SLC35F1: variants seen among roughly 807,000 people sequenced by gnomAD.
The protein encoded by SLC35F1 is chromosome 6 open reading frame 169.
SLC35F1 carries 14 observed loss-of-function variants against 48.7 expected under a neutral mutation model. That is an observed-to-expected ratio of 0.29 (90% confidence interval 0.19 to 0.45). SLC35F1 has a LOEUF of 0.45. SLC35F1 is among the 20% of genes least tolerant of loss of function. SLC35F1 has a pLI of 1.00. For missense variants in SLC35F1, 404 were observed against 500.0 expected, an observed-to-expected ratio of 0.81 and a Z score of 1.83; for synonymous variants, 190 against 202.2, an observed-to-expected ratio of 0.94 and a Z score of 0.51.
chr6:118,065,241 A>T (rs1772595932), intron 1 of SLC35F1, among the ~76,000 whole-genome samples: 1 of 152,178 alleles, frequency 6.6e-6, no homozygotes, highest in East Asian at 1.9e-4. Flanking sequence ...ATAATAAGCT[A>T]AAAACATGAA....
chr6:118,231,236 G>A (rs1400939446), intron 2 of SLC35F1, among the ~76,000 whole-genome samples: 1 of 152,026 alleles, frequency 6.6e-6, no homozygotes, highest in Non-Finnish European at 1.5e-5. Context: ...ATAGTAAACA[G>A]AATGCATTTA....
At chr6:118,120,767 G>A (rs142626543) in intron 1 of SLC35F1, among the ~76,000 whole-genome samples, 98 of 152,128 alleles carry the variant, frequency 6.4e-4, no homozygotes, top group African/African-American at 2.1e-3. Flanking sequence ...GAAATATTCC[G>A]CACTGAAACA....
intron 1 of SLC35F1, among the ~76,000 whole-genome samples, chr6:118,070,991 CGT>C (rs375445061): frequency 0.013 from 97 of 7,282 alleles, 3 homozygotes; most frequent in African/African-American, 0.038. Context: ...ATATATTCTA[CGT>C]GTGTGTATAT....
In SLC35F1 at chr6:118,169,149, A is replaced by G. The variant is rs558659289; in HGVS notation, c.349+14529A>G. Among the ~76,000 whole-genome samples the G allele has an allele frequency of 2.6e-5, 4 of 152,346 alleles. No individual in the cohort carries two copies. The South Asian group carries it at 8.3e-4, about 32-fold the overall frequency. On this transcript the variant is annotated intron_variant, in intron 2 of 7. Coordinates refer to ENST00000360388, the MANE Select transcript of SLC35F1 (RefSeq NM_001029858.4). ...TGATAGCAACATTGCAATATGCACA[A>G]TTTCCACTAGTCCTAATGTGTTTTC...
Position 117,929,453 on chromosome 6 carries a change from A to ATGTGTGTGTGTGTG in SLC35F1, c.173+21576_173+21589dup, listed in dbSNP as rs143634465. ...CATTTGTATATATGTGTATGTATTT[A>ATGTGTGTGTGTGTG]TGTGTGTGTGTGTGTGTGTGTGTGT... On this transcript the variant is annotated intron_variant, in intron 1 of 7. Transcript: ENST00000360388. Among the ~76,000 whole-genome samples the ATGTGTGTGTGTGTG allele has an allele frequency of 6.8e-3, 987 of 146,074 alleles. 11 individuals carry two copies. The highest frequency in any genetic ancestry group is 0.024 in the African/African-American group (952 of 39,686).
chr6:118,164,417 A>G (rs1369673101), intron 2 of SLC35F1, among the ~76,000 whole-genome samples: 1 of 152,184 alleles, frequency 6.6e-6, no homozygotes, highest in Non-Finnish European at 1.5e-5. Context: ...AAATTAAAAT[A>G]TTATTTTAAA....
rs188004764 is a variant in SLC35F1, at chr6:118,142,730, G to A, written c.174-11715G>A. On this transcript the variant is annotated intron_variant, in intron 1 of 7. Transcript: ENST00000360388. ...GCCCATGCTGCAAAAATTGGATTTC[G>A]ATGTAATTTTGAGGCATCTTTTAAG... Among the ~76,000 whole-genome samples, 4 of 152,112 alleles carry A rather than the reference G, an allele frequency of 2.6e-5. No homozygotes were observed. In the East Asian group the frequency reaches 7.7e-4, roughly 29 times the overall value.
chr6:118,148,032 T>C (rs781083518), intron 1 of SLC35F1, among the ~76,000 whole-genome samples: 16 of 152,210 alleles, frequency 1.1e-4, no homozygotes, highest in Non-Finnish European at 1.9e-4. Flanking sequence ...GCCTAACTTC[T>C]GCAAACAAGA....
intron 1 of SLC35F1, among the ~76,000 whole-genome samples, chr6:117,923,672 T>TGTAC (rs1209927616): frequency 2.7e-5 from 2 of 74,692 alleles, no homozygotes; most frequent in African/African-American, 5.3e-5. Flanking sequence ...TATATACATA[T>TGTAC]ATGTACATAT....
intron 1 of SLC35F1, among the ~76,000 whole-genome samples, chr6:117,966,432 C>T (rs900555611): frequency 2.0e-5 from 3 of 151,776 alleles, no homozygotes; most frequent in Admixed American, 1.3e-4. Flanking sequence ...CACCAACCCA[C>T]CAGGAGGAGG....
At position 117,907,691 on chromosome 6, in the gene SLC35F1, C is replaced by G; in HGVS notation, c.-36C>G. 7.4e-7 allele frequency: 1 copy of G among 1,345,714 alleles called. No individual in the cohort carries two copies. The highest frequency in any genetic ancestry group is 1.0e-6 in the Non-Finnish European group (1 of 991,138). The allele number at this position is 1,345,714 out of a possible 1,614,324, so 83.4% of individuals were successfully genotyped here. A position where few individuals can be genotyped will look rare whatever the true frequency, so the allele number is the denominator to read the frequency against. On this transcript the variant is annotated 5_prime_UTR_variant, in exon 1 of 8. Transcript: ENST00000360388. ...AACCGGCACACGATGCACCCGGCTG[C>G]GTTCTGATCGCCGCCGCGCCTCAGC...
chr6:118,049,201 A>G (rs1772347551), intron 1 of SLC35F1, among the ~76,000 whole-genome samples: 1 of 152,226 alleles, frequency 6.6e-6, no homozygotes, highest in African/African-American at 2.4e-5. Flanking sequence ...TACACCTTAT[A>G]CAAAAATTAA....
chr6:117,928,649 G>C (rs773086471), intron 1 of SLC35F1, among the ~76,000 whole-genome samples: 1 of 152,150 alleles, frequency 6.6e-6, no homozygotes, highest in Non-Finnish European at 1.5e-5. Context: ...ATAGATACTA[G>C]TTTGCTCTAT....
intron 1 of SLC35F1, among the ~76,000 whole-genome samples, chr6:118,140,399 T>C (rs1272552284): frequency 6.6e-6 from 1 of 152,214 alleles, no homozygotes; most frequent in African/African-American, 2.4e-5. Context: ...AGTAGCGCAA[T>C]GTATTACTCA....
chr6:117,980,342 G>A lies in SLC35F1; in HGVS notation c.173+72443G>A, dbSNP rs561799840. ...GGTACAAGCACCCTTGATTGTCTTT[G>A]AAGAAAGCCTAATTATTCCCATTTC... On this transcript the variant is annotated intron_variant, in intron 1 of 7. Transcript: ENST00000360388. 2.1e-3 allele frequency among the ~76,000 whole-genome samples: 324 copies of A among 152,276 alleles called. 1 individual carries two copies. Among genetic ancestry groups the A allele is most frequent in the Non-Finnish European group, 3.5e-3 (241 of 68,018 alleles).
intron 2 of SLC35F1, among the ~76,000 whole-genome samples, chr6:118,208,101 G>A (rs1027686528): frequency 4.2e-5 from 6 of 141,848 alleles, no homozygotes; most frequent in Admixed American, 2.1e-4. Context: ...ACACATGCAC[G>A]CACACACACG....
chr6:118,112,276 G>C (rs1479657361), intron 1 of SLC35F1, among the ~76,000 whole-genome samples: 1 of 151,966 alleles, frequency 6.6e-6, no homozygotes, highest in East Asian at 1.9e-4. Flanking sequence ...TGAGAACAAA[G>C]GCATTTCTAA....
At chr6:118,011,531 G>A (rs1389203610) in intron 1 of SLC35F1, among the ~76,000 whole-genome samples, 1 of 152,122 alleles carries the variant, frequency 6.6e-6, no homozygotes, top group Non-Finnish European at 1.5e-5. Flanking sequence ...CAACCTTGGG[G>A]ATTACAATTC....
intron 1 of SLC35F1, among the ~76,000 whole-genome samples, chr6:117,979,525 G>T (rs1344472937): frequency 6.6e-6 from 1 of 152,198 alleles, no homozygotes; most frequent in Non-Finnish European, 1.5e-5. Context: ...AATATTAATA[G>T]TGCTTTTTAT....
Sources: allele counts gnomAD v4.1 joint callset (sites outside exome capture counted in the v4.1 genomes callset), GRCh38; gene constraint gnomAD v4.1.1; transcripts MANE v1.5; gene names NCBI Gene and HGNC (gene_info 2026-07-23, HGNC 2026-07-21).